The following STK32B variants were observed in gnomAD, a reference collection of about 807,000 sequenced individuals.
The protein encoded by STK32B is serine/threonine kinase 32B.
Under a neutral mutation model 52.6 loss-of-function variants are expected in STK32B, and 43 were observed. That is an observed-to-expected ratio of 0.82 (90% CI 0.64 to 1.05). The LOEUF is 1.05. STK32B is among the 50% of genes least tolerant of loss of function. STK32B has a pLI of 0.00. For synonymous variants in STK32B, 238 were observed against 204.3 expected, an observed-to-expected ratio of 1.17 and a Z score of -1.41; for missense variants, 621 against 534.6, an observed-to-expected ratio of 1.16 and a Z score of -1.59.
At chr4:5,498,575 T>C (rs2108738628) in intron 11 of STK32B, among the ~76,000 whole-genome samples, 1 of 152,320 alleles carries the variant, frequency 6.6e-6, no homozygotes, top group East Asian at 1.9e-4. Context: ...GAATGATACC[T>C]GGGACTCACC....
At chr4:5,391,269 T>G (rs1270247249) in intron 4 of STK32B, among the ~76,000 whole-genome samples, 1 of 152,140 alleles carries the variant, frequency 6.6e-6, no homozygotes. Flanking sequence ...CTGTTTTCTC[T>G]CTTCATATAA....
chr4:5,064,231 T>C (rs1280759027), intron 1 of STK32B, among the ~76,000 whole-genome samples: 1 of 144,500 alleles, frequency 6.9e-6, no homozygotes, highest in Admixed American at 7.3e-5. Flanking sequence ...CATAAATATG[T>C]ATATTTATAC....
upstream of STK32B, among the ~76,000 whole-genome samples, chr4:5,047,425 C>T (rs1324630724): frequency 6.6e-6 from 1 of 151,804 alleles, no homozygotes; most frequent in African/African-American, 2.4e-5. Context: ...ATGTAACAAA[C>T]CGACACATTC....
intron 5 of STK32B, among the ~76,000 whole-genome samples, chr4:5,409,643 G>A (rs1737891714): frequency 6.6e-6 from 1 of 152,130 alleles, no homozygotes; most frequent in Non-Finnish European, 1.5e-5. Flanking sequence ...CAGGCTTTAT[G>A]GAATCACAGG....
At chr4:5,048,655 T>C (rs149696272), upstream of STK32B, among the ~76,000 whole-genome samples, 10 of 152,356 alleles carry the variant, frequency 6.6e-5, no homozygotes, top group African/African-American at 2.2e-4. Flanking sequence ...CTCGAACTCC[T>C]GACCTCAAGT....
chr4:5,274,313 A>G (rs190273100), intron 3 of STK32B, among the ~76,000 whole-genome samples: 105 of 152,340 alleles, frequency 6.9e-4, no homozygotes, highest in African/African-American at 2.5e-3. Flanking sequence ...GAATTTTAAA[A>G]TAGAACCACA....
chr4:5,271,969 T>C (rs374837583), intron 3 of STK32B, among the ~76,000 whole-genome samples: 4 of 148,810 alleles, frequency 2.7e-5, no homozygotes, highest in African/African-American at 5.2e-5. Context: ...ATTTGACTTC[T>C]TCTTTTCCTA....
intron 3 of STK32B, among the ~76,000 whole-genome samples, chr4:5,174,294 C>T (rs1022127649): frequency 6.6e-6 from 1 of 152,128 alleles, no homozygotes; most frequent in Non-Finnish European, 1.5e-5. Context: ...GCATTTAGCC[C>T]ATTTACATTT....
At chr4:5,019,494 G>T in the STK32B span, 1 of 1,424,302 alleles carries the variant, frequency 7.0e-7, no homozygotes. Context: ...TATGCAGGCT[G>T]GGGGTGGTCC....
intron 3 of STK32B, among the ~76,000 whole-genome samples, chr4:5,241,951 C>G (rs1161702310): frequency 6.6e-6 from 1 of 152,124 alleles, no homozygotes; most frequent in African/African-American, 2.4e-5. Flanking sequence ...GTATATGTGC[C>G]ACATTTTCTT....
chr4:5,392,207 G>A (rs1560376498), intron 4 of STK32B, among the ~76,000 whole-genome samples: 1 of 152,160 alleles, frequency 6.6e-6, no homozygotes. Context: ...GGCCGAGGCG[G>A]GTGGATCACT....
At chr4:5,182,452 CT>C (rs943586842) in intron 3 of STK32B, among the ~76,000 whole-genome samples, 205 of 150,880 alleles carry the variant, frequency 1.4e-3, no homozygotes, top group African/African-American at 4.2e-3. Context: ...ACAAAATGTC[CT>C]TTTTTTTTCC....
At chr4:5,267,650 A>G (rs1351607675) in intron 3 of STK32B, among the ~76,000 whole-genome samples, 2 of 152,178 alleles carry the variant, frequency 1.3e-5, no homozygotes, top group Admixed American at 6.5e-5. Flanking sequence ...GTTTATTCAT[A>G]TATTCTGGTT....
intron 2 of STK32B, among the ~76,000 whole-genome samples, chr4:5,154,176 A>G (rs948254892): frequency 3.3e-5 from 5 of 150,406 alleles, no homozygotes; most frequent in Non-Finnish European, 5.9e-5. Flanking sequence ...CTACTAATCT[A>G]TGGCTGGATG....
In STK32B at chr4:5,406,582, C is replaced by G. The variant is rs942427591; in HGVS notation, c.472+8338C>G. Among the ~76,000 whole-genome samples the G allele has an allele frequency of 2.6e-5, 4 of 152,310 alleles. No individual in the cohort carries two copies. The East Asian group carries it at 7.7e-4, about 29-fold the overall frequency. Reference sequence around the variant, plus strand: ...GAAATCTAGGTGGAGGCTCCCAAGCCTCAGCTCTTACCCTCTGAACACCCA... The same window carrying G: ...GAAATCTAGGTGGAGGCTCCCAAGCGTCAGCTCTTACCCTCTGAACACCCA... On this transcript the variant is annotated intron_variant, in intron 5 of 11. Transcript: ENST00000282908.
chr4:5,219,399 A>G (rs966586937), intron 3 of STK32B, among the ~76,000 whole-genome samples: 1 of 152,256 alleles, frequency 6.6e-6, no homozygotes. Flanking sequence ...TCAGTTTAAA[A>G]GTTGGAAGCC....
chr4:5,171,104 T>C (rs1187298559), intron 3 of STK32B, among the ~76,000 whole-genome samples: 2 of 152,146 alleles, frequency 1.3e-5, no homozygotes, highest in Non-Finnish European at 2.9e-5. Flanking sequence ...ATAAATGTCT[T>C]CTTTTGAGAA....
chr4:5,318,870 A>G (rs1731293771), intron 3 of STK32B, among the ~76,000 whole-genome samples: 1 of 151,072 alleles, frequency 6.6e-6, no homozygotes, highest in African/African-American at 2.4e-5. Context: ...CGTGATCTCC[A>G]CTCACTGCAA....
chr4:5,148,977 TTTC>T (rs1717134736), intron 2 of STK32B, among the ~76,000 whole-genome samples: 1 of 151,850 alleles, frequency 6.6e-6, no homozygotes, highest in South Asian at 2.1e-4. Flanking sequence ...TCCTTCTCTT[TTTC>T]TTCTAGTACT....
Sources: gnomAD v4.1 joint callset for allele counts (sites outside exome capture counted in the v4.1 genomes callset) on GRCh38, gnomAD v4.1.1 for gene constraint, MANE v1.5 for transcripts, NCBI Gene and HGNC (gene_info 2026-07-23, HGNC 2026-07-21) for gene names.